FSIP1: variants seen among roughly 807,000 people sequenced by gnomAD.
FSIP1 encodes fibrous sheath-interacting protein 1.
A neutral mutation model predicts 60.9 loss-of-function variants in FSIP1; 65 were observed. That is an observed-to-expected ratio of 1.07 (90% CI 0.87 to 1.31). The LOEUF (loss-of-function observed/expected upper bound fraction) is 1.31, where lower values mean the gene tolerates loss of function less well. Among genes scored for constraint, FSIP1 ranks in the 40% most tolerant of loss-of-function variants. The pLI is 0.00. For missense variants in FSIP1, 675 were observed against 665.5 expected (o/e 1.01, Z -0.16); for synonymous variants, 209 against 221.2 (o/e 0.94, Z 0.49).
Position 39,739,705 on chromosome 15 carries a change from C to T in FSIP1, c.740G>A (p.Arg247Lys). 2 of 1,601,608 alleles carry T rather than the reference C, an allele frequency of 1.2e-6. No individual in the cohort carries two copies. The highest frequency in any genetic ancestry group is 1.7e-6 in the Non-Finnish European group (2 of 1,177,214). Reference sequence around the variant, plus strand: ...AATAAAATCCTGGTTGTGTTTACCCCTGAGCTCAATCTTTTCTGTATTCGA... The same window carrying T: ...AATAAAATCCTGGTTGTGTTTACCCTTGAGCTCAATCTTTTCTGTATTCGA... The part of the protein sequence containing the change: ...PFSNTEKIEL[R>K]GKHNQDFIKR... The change falls in exon 7 of 12, where the codon AGG becomes AAG. Residue 247 changes from arginine to lysine, a missense_variant. Transcript: ENST00000350221.
chr15:39,599,474 GTTTC>G (rs1040441590), downstream of FSIP1: 1 of 152,008 alleles, frequency 6.6e-6, no homozygotes, highest in Non-Finnish European at 1.5e-5. Flanking sequence ...TTTACTCTGT[GTTTC>G]TTTCTGTCTC....
At chr15:39,751,418 A>AACACACACAC (rs3065153) in intron 5 of FSIP1, among the ~76,000 whole-genome samples, 6,307 of 144,790 alleles carry the variant, frequency 0.044, 160 homozygotes, top group African/African-American at 0.061. Context: ...GTAATACATA[A>AACACACACAC]ACACACACAC....
At chr15:39,707,042 C>A (rs893430833) in intron 10 of FSIP1, among the ~76,000 whole-genome samples, 1 of 152,150 alleles carries the variant, frequency 6.6e-6, no homozygotes, top group Non-Finnish European at 1.5e-5. Flanking sequence ...TTTTCAGTTA[C>A]GGTCTCATAG....
chr15:39,736,083 T>C (rs1295232133), intron 8 of FSIP1, among the ~76,000 whole-genome samples: 2 of 152,228 alleles, frequency 1.3e-5, no homozygotes, highest in Non-Finnish European at 1.5e-5. Context: ...CTCTAAAATA[T>C]AGAGCTACGG....
chr15:39,709,249 T>C (rs1895398811), intron 10 of FSIP1, among the ~76,000 whole-genome samples: 1 of 152,168 alleles, frequency 6.6e-6, no homozygotes, highest in Non-Finnish European at 1.5e-5. Flanking sequence ...TGGCCACAGA[T>C]TACCTCTTCC....
intron 10 of FSIP1, among the ~76,000 whole-genome samples, chr15:39,630,594 C>T (rs1476082189): frequency 6.6e-6 from 1 of 152,178 alleles, no homozygotes; most frequent in Non-Finnish European, 1.5e-5. Flanking sequence ...AGTATTTATT[C>T]CATTTACCTC....
rs1331874892 is a variant in FSIP1, at chr15:39,756,416, C to CA, written c.559+7404dup. ...TTGGAGATAGGGTTTCACACAGTCA[C>CA]AAATGCTGCAGAGCAATGGCATGAC... On this transcript the variant is annotated intron_variant, in intron 5 of 11. Transcript: ENST00000350221. Among the ~76,000 whole-genome samples, 7 of 152,214 alleles carry CA rather than the reference C, an allele frequency of 4.6e-5. No individual in the cohort carries two copies. The South Asian group carries it at 1.4e-3, about 32-fold the overall frequency.
intron 8 of FSIP1, among the ~76,000 whole-genome samples, chr15:39,728,487 A>T (rs529829043): frequency 6.6e-6 from 1 of 152,154 alleles, no homozygotes; most frequent in Non-Finnish European, 1.5e-5. Context: ...AAAGCCACAC[A>T]CCTACAACCA....
At chr15:39,777,158 T>C (rs1388967856) in intron 1 of FSIP1, among the ~76,000 whole-genome samples, 1 of 152,058 alleles carries the variant, frequency 6.6e-6, no homozygotes, top group Admixed American at 6.6e-5. Context: ...GGTGTCAAAC[T>C]CCTGACCTCA....
intron 10 of FSIP1, among the ~76,000 whole-genome samples, chr15:39,657,744 G>T (rs1420800977): frequency 1.3e-5 from 2 of 152,026 alleles, no homozygotes; most frequent in African/African-American, 4.8e-5. Context: ...ACATAAAAAT[G>T]AAAACAACCA....
intron 8 of FSIP1, 63 bp downstream of exon 8, chr15:39,738,028 A>G: frequency 1.1e-6 from 1 of 935,370 alleles, no homozygotes; most frequent in Non-Finnish European, 1.6e-6. Context: ...ATACTGGGCC[A>G]ATAATATTAT....
chr15:39,631,610 T>C (rs113777147), intron 10 of FSIP1, among the ~76,000 whole-genome samples: 1,737 of 152,316 alleles, frequency 0.011, 41 homozygotes, highest in African/African-American at 0.039. Flanking sequence ...TGCTTCAGAT[T>C]TGCAAAAATG....
intron 8 of FSIP1, among the ~76,000 whole-genome samples, chr15:39,733,917 AG>A (rs1302226029): frequency 3.9e-5 from 6 of 152,212 alleles, no homozygotes; most frequent in African/African-American, 1.4e-4. Context: ...TTACTGTTTA[AG>A]CCACTGTTAC....
chr15:39,672,029 G>C (rs1052185722), intron 10 of FSIP1, among the ~76,000 whole-genome samples: 1 of 152,154 alleles, frequency 6.6e-6, no homozygotes, highest in Admixed American at 6.5e-5. Flanking sequence ...AGAAAATATA[G>C]GAAGAGATAA....
At chr15:39,738,282 C>A in intron 7 of FSIP1, 81 bp from the exon 8 acceptor site, 1 of 848,196 alleles carries the variant, frequency 1.2e-6, no homozygotes, top group Non-Finnish European at 1.9e-6. Flanking sequence ...TCTGAGACTT[C>A]TACACTACAG....
chr15:39,684,650 C>T (rs977460118), intron 10 of FSIP1, among the ~76,000 whole-genome samples: 1 of 152,174 alleles, frequency 6.6e-6, no homozygotes, highest in African/African-American at 2.4e-5. Context: ...AATACCCCAG[C>T]CTACACTGCT....
In FSIP1 at chr15:39,676,579, A is replaced by G. The variant is rs143484999; in HGVS notation, c.1188+36865T>C. 1.3e-4 allele frequency among the ~76,000 whole-genome samples: 19 copies of G among 151,840 alleles called. No homozygotes were observed. The East Asian group carries it at 3.5e-3, about 28-fold the overall frequency. ...CCGTGAAAGGCACATTTGCCTTCCC[A>G]ACTCTCAGAATATACTAAAAATGAG... On this transcript the variant is annotated intron_variant, in intron 10 of 11. Transcript: ENST00000350221.
intron 11 of FSIP1, chr15:39,602,211 A>C (rs1214900911): frequency 2.6e-6 from 1 of 380,942 alleles, no homozygotes; most frequent in East Asian, 7.7e-5. Flanking sequence ...AGACAGAGGG[A>C]GATTAACACA....
In FSIP1 at chr15:39,760,028, A is replaced by G. The variant is rs539351925; in HGVS notation, c.559+3793T>C. ...TTTCAGCCAACCACAGAAGGTAATC[A>G]TTGCAATAATTGACTAAGGATGTCA... On this transcript the variant is annotated intron_variant, in intron 5 of 11. Transcript: ENST00000350221. Among the ~76,000 whole-genome samples, 3 of 152,310 alleles carry G rather than the reference A, an allele frequency of 2.0e-5. No individual in the cohort carries two copies. The East Asian group carries it at 5.8e-4, about 29-fold the overall frequency.
Sources: allele counts gnomAD v4.1 joint callset (sites outside exome capture counted in the v4.1 genomes callset), GRCh38; gene constraint gnomAD v4.1.1; transcripts MANE v1.5; gene names NCBI Gene and HGNC (gene_info 2026-07-23, HGNC 2026-07-21).